SPAG16: variants seen among roughly 807,000 people sequenced by gnomAD.
The protein encoded by SPAG16 is sperm associated antigen 16, also known as sperm-associated antigen 16 protein.
In SPAG16, 86 loss-of-function variants were observed where a neutral mutation model predicts 80.4. The observed-to-expected ratio is 1.07, with a 90% CI of 0.90 to 1.28. The LOEUF (loss-of-function observed/expected upper bound fraction) is 1.28. Among genes scored for constraint, SPAG16 ranks in the 50% most tolerant of loss-of-function variants. SPAG16 has a pLI of 0.00. For missense variants in SPAG16, 870 were observed against 765.3 expected, an observed-to-expected ratio of 1.14 and a Z score of -1.61; for synonymous variants, 294 against 265.9, an observed-to-expected ratio of 1.11 and a Z score of -1.03.
At position 214,014,104 on chromosome 2, in the gene SPAG16, C is replaced by A. The variant is rs1236631170; in HGVS notation, c.1527+27C>A. 5.0e-6 allele frequency: 8 copies of A among 1,608,808 alleles called. No homozygotes were observed. The Admixed American group carries it at 1.3e-4, about 27-fold the overall frequency. ...TAAGCAAATCATTCACTTTTTTTCC[C>A]AGCTTTTGATAAGTCTGATTACTCT... is the stretch of plus-strand genomic sequence containing the variant. On this transcript the variant is annotated intron_variant, in intron 13 of 15. Coordinates refer to ENST00000331683, the MANE Select transcript of SPAG16 (RefSeq NM_024532.5).
intron 10 of SPAG16, among the ~76,000 whole-genome samples, chr2:213,567,567 AT>A (rs1321606321): frequency 9.5e-6 from 1 of 105,652 alleles, no homozygotes; most frequent in African/African-American, 4.8e-5. Context: ...TGAACTCATC[AT>A]TTTTTATGGC....
chr2:213,795,508 T>C (rs1243732899), intron 10 of SPAG16, among the ~76,000 whole-genome samples: 1 of 152,214 alleles, frequency 6.6e-6, no homozygotes, highest in Non-Finnish European at 1.5e-5. Flanking sequence ...GCCAATCCTT[T>C]AATTAGAAAT....
At chr2:214,077,393 A>C (rs1282151189) in intron 13 of SPAG16, among the ~76,000 whole-genome samples, 1 of 152,230 alleles carries the variant, frequency 6.6e-6, no homozygotes, top group East Asian at 1.9e-4. Context: ...GAAGATTCCC[A>C]GTTTTATGTC....
intron 6 of SPAG16, among the ~76,000 whole-genome samples, chr2:213,342,537 A>G (rs549958132): frequency 6.6e-6 from 1 of 151,738 alleles, no homozygotes; most frequent in South Asian, 2.1e-4. Context: ...TTCTATTGCT[A>G]TCATCAATGA....
At chr2:213,875,050 T>C (rs894041824) in intron 11 of SPAG16, among the ~76,000 whole-genome samples, 17 of 152,040 alleles carry the variant, frequency 1.1e-4, no homozygotes, top group Non-Finnish European at 2.1e-4. Flanking sequence ...GAAGCAATTT[T>C]CCTGCCTTAC....
At chr2:213,970,770 T>C (rs1233516110) in intron 12 of SPAG16, among the ~76,000 whole-genome samples, 1 of 152,202 alleles carries the variant, frequency 6.6e-6, no homozygotes, top group Non-Finnish European at 1.5e-5. Flanking sequence ...TATGTACATA[T>C]ATATGTTTAT....
intron 9 of SPAG16, among the ~76,000 whole-genome samples, chr2:213,480,359 G>A (rs10498006): frequency 0.27 from 40,491 of 152,114 alleles, 6,256 homozygotes; most frequent in Middle Eastern, 0.44. Flanking sequence ...AGCCAATAAT[G>A]CAAATAAGTT....
chr2:213,979,750 A>T (rs2045600421), intron 12 of SPAG16, among the ~76,000 whole-genome samples: 2 of 152,036 alleles, frequency 1.3e-5, no homozygotes, highest in Admixed American at 1.3e-4. Context: ...TCGCCACCTA[A>T]ACCTCATGCC....
chr2:214,374,052 G>A (rs1012031257), intron 15 of SPAG16, among the ~76,000 whole-genome samples: 12 of 152,188 alleles, frequency 7.9e-5, no homozygotes, highest in South Asian at 4.1e-4. Context: ...ATAACAGAAC[G>A]TAGAAAGTCA....
At chr2:213,918,309 T>C (rs538256178) in intron 11 of SPAG16, among the ~76,000 whole-genome samples, 1 of 152,326 alleles carries the variant, frequency 6.6e-6, no homozygotes, top group Non-Finnish European at 1.5e-5. Context: ...GAATCTCTCC[T>C]CCTCAATTTT....
chr2:213,581,318 AG>A (rs2060290347), intron 10 of SPAG16, among the ~76,000 whole-genome samples: 1 of 152,080 alleles, frequency 6.6e-6, no homozygotes, highest in Admixed American at 6.6e-5. Flanking sequence ...CCTGGGCTCA[AG>A]TGATTCTCCA....
At chr2:214,183,300 T>G (rs1342969122) in intron 15 of SPAG16, among the ~76,000 whole-genome samples, 1 of 151,922 alleles carries the variant, frequency 6.6e-6, no homozygotes, top group Non-Finnish European at 1.5e-5. Context: ...ATAGACAGAC[T>G]TTCACTCAGG....
intron 7 of SPAG16, among the ~76,000 whole-genome samples, chr2:213,352,576 GA>G (rs1262712752): frequency 6.6e-6 from 1 of 152,178 alleles, no homozygotes; most frequent in African/African-American, 2.4e-5. Flanking sequence ...TAAGAACTGG[GA>G]ATGGCTGGTA....
At chr2:213,726,573 C>T (rs1198308023) in intron 10 of SPAG16, among the ~76,000 whole-genome samples, 1 of 152,184 alleles carries the variant, frequency 6.6e-6, no homozygotes, top group Non-Finnish European at 1.5e-5. Context: ...GAAGATAAAT[C>T]GGGAGCTCGC....
intron 13 of SPAG16, among the ~76,000 whole-genome samples, chr2:214,073,386 C>T (rs2050905476): frequency 6.6e-6 from 1 of 151,818 alleles, no homozygotes; most frequent in Non-Finnish European, 1.5e-5. Flanking sequence ...TACAGGCGCC[C>T]ACCACCATGC....
Position 213,858,060 on chromosome 2 carries a change from C to A in SPAG16, c.1071-4425C>A, listed in dbSNP as rs148041554. Reference sequence around the variant, plus strand: ...TAAAGAGTTGCTTCTTATTGATGAGCAAAGAAAGTAGTTTCTTGGGATGGA... The same window carrying A: ...TAAAGAGTTGCTTCTTATTGATGAGAAAAGAAAGTAGTTTCTTGGGATGGA... On this transcript the variant is annotated intron_variant, in intron 10 of 15. Transcript: ENST00000331683. Among the ~76,000 whole-genome samples, 1,166 of 152,226 alleles carry A rather than the reference C, an allele frequency of 7.7e-3. 8 individuals are homozygous for A. The highest frequency in any genetic ancestry group is 0.013 in the Non-Finnish European group (882 of 67,998).
intron 15 of SPAG16, among the ~76,000 whole-genome samples, chr2:214,216,036 A>C (rs1376608229): frequency 1.3e-5 from 2 of 152,190 alleles, no homozygotes; most frequent in Non-Finnish European, 2.9e-5. Flanking sequence ...ATTGCATGTA[A>C]AGTCTTGGAG....
At chr2:214,219,429 ATTTAC>A (rs1381053033) in intron 15 of SPAG16, among the ~76,000 whole-genome samples, 2 of 151,816 alleles carry the variant, frequency 1.3e-5, no homozygotes, top group African/African-American at 4.8e-5. Context: ...AAATAGAATT[ATTTAC>A]TTATGTAAAA....
chr2:214,321,784 G>T (rs1304720534), intron 15 of SPAG16, among the ~76,000 whole-genome samples: 2 of 152,016 alleles, frequency 1.3e-5, no homozygotes, highest in Non-Finnish European at 2.9e-5. Flanking sequence ...TCTGTATTTT[G>T]TAAATAATAA....
Sources: gnomAD v4.1 joint callset for allele counts (sites outside exome capture counted in the v4.1 genomes callset) on GRCh38, gnomAD v4.1.1 for gene constraint, MANE v1.5 for transcripts, NCBI Gene and HGNC (gene_info 2026-07-23, HGNC 2026-07-21) for gene names.